TSBP1: variants seen among roughly 807,000 people sequenced by gnomAD.
TSBP1 encodes testis expressed basic protein 1.
A neutral mutation model predicts 68.8 loss-of-function variants in TSBP1; 56 were observed. The observed-to-expected ratio is 0.81, with a 90% CI of 0.66 to 1.02. TSBP1 has a LOEUF of 1.02. TSBP1 is among the 50% of genes least tolerant of loss of function. The pLI is 0.00. For missense variants in TSBP1, 502 were observed against 641.2 expected, an observed-to-expected ratio of 0.78 and a Z score of 2.34; for synonymous variants, 171 against 208.7, an observed-to-expected ratio of 0.82 and a Z score of 1.56.
At chr6:32,294,066 A>G (rs370051348) in intron 22 of TSBP1, 31 bp from the exon 26 acceptor site, 68 of 1,596,300 alleles carry the variant, frequency 4.3e-5, no homozygotes, top group Non-Finnish European at 5.6e-5. Context: ...CGTGATTTAG[A>G]TATCAAGTAT....
Position 32,314,790 on chromosome 6 carries a change from T to C in TSBP1, c.580+982A>G, listed in dbSNP as rs1766775633. On this transcript the variant is annotated intron_variant, in intron 19 of 22. Transcript: ENST00000612031. This position sits in a 1 kb window ranked among gnomAD's most constrained non-coding sequence, Gnocchi z 4.2. ...GAAATCTGTTAGAATAACATAGATGTCTTTCATGTTTAAAAATTGGAAAAT... is the reference window on the plus strand; with the variant it reads ...GAAATCTGTTAGAATAACATAGATGCCTTTCATGTTTAAAAATTGGAAAAT... Among the ~76,000 whole-genome samples, 1 of 152,218 alleles carries C rather than the reference T, an allele frequency of 6.6e-6. No homozygotes were observed. Among genetic ancestry groups the C allele is most frequent in the Non-Finnish European group, 1.5e-5 (1 of 68,036 alleles).
intron 8 of TSBP1, 102 bp downstream of exon 8, chr6:32,355,022 T>C (rs1772127596): frequency 2.3e-6 from 2 of 877,168 alleles, no homozygotes; most frequent in Non-Finnish European, 3.6e-6. Context: ...ATTATTTTTA[T>C]ACTTAATTTT....
chr6:32,358,566 C>G (rs1032116098), intron 6 of TSBP1, among the ~76,000 whole-genome samples: 1 of 151,882 alleles, frequency 6.6e-6, no homozygotes, highest in African/African-American at 2.4e-5. Context: ...CCTCCCCGCT[C>G]CCCTCACCCC....
rs569662753 is a variant in TSBP1 at position 32,321,553 on chromosome 6, C to T, written c.559+1564G>A. On this transcript the variant is annotated intron_variant, in intron 18 of 22. Transcript: ENST00000612031. This position sits in a 1 kb window ranked among gnomAD's most constrained non-coding sequence, Gnocchi z 4.3. Reference sequence around the variant, plus strand: ...TTGCAGCCTCATCTCTGGGTCGGAACCATTGTCTCTGTATTTTTATCTGTG... The same window carrying T: ...TTGCAGCCTCATCTCTGGGTCGGAATCATTGTCTCTGTATTTTTATCTGTG... 6.6e-6 allele frequency among the ~76,000 whole-genome samples: 1 copy of T among 152,286 alleles called. No individual in the cohort carries two copies. Among genetic ancestry groups the T allele is most frequent in the South Asian group, 2.1e-4 (1 of 4,830 alleles).
intron 18 of TSBP1, among the ~76,000 whole-genome samples, chr6:32,317,301 A>G (rs944747550): frequency 1.3e-5 from 2 of 152,346 alleles, no homozygotes; most frequent in Non-Finnish European, 2.9e-5. Flanking sequence ...ACATACGAAA[A>G]TTAACTCAAG....
At chr6:32,301,558 A>T (rs1765289393) in intron 20 of TSBP1, among the ~76,000 whole-genome samples, 1 of 151,796 alleles carries the variant, frequency 6.6e-6, no homozygotes, top group South Asian at 2.1e-4. Context: ...TCTGCAAAAA[A>T]AAAAAGAAAA....
intron 18 of TSBP1, among the ~76,000 whole-genome samples, chr6:32,319,322 C>T (rs1294277379): frequency 8.0e-6 from 1 of 125,358 alleles, no homozygotes. Context: ...ATCACTCTCT[C>T]CTTGCCACAC....
chr6:32,332,328 T>G (rs1769129698), intron 14 of TSBP1, among the ~76,000 whole-genome samples: 1 of 152,224 alleles, frequency 6.6e-6, no homozygotes, highest in South Asian at 2.1e-4. Context: ...AAAACTTTGT[T>G]ATTAGGTATT....
chr6:32,295,842 CTTTTTT>C (rs535371646), intron 22 of TSBP1, among the ~76,000 whole-genome samples: 1 of 125,316 alleles, frequency 8.0e-6, no homozygotes. Flanking sequence ...AGGAAAATTT[CTTTTTT>C]TTTTTTTTTT....
chr6:32,311,096 C>G (rs1216748749), intron 19 of TSBP1, among the ~76,000 whole-genome samples: 1 of 152,070 alleles, frequency 6.6e-6, no homozygotes, highest in African/African-American at 2.4e-5. Flanking sequence ...CGAGACCCCC[C>G]CTTTACTGGT....
At chr6:32,318,728 T>A (rs1035737569) in intron 18 of TSBP1, among the ~76,000 whole-genome samples, 5 of 152,162 alleles carry the variant, frequency 3.3e-5, no homozygotes, top group Admixed American at 6.5e-5. Flanking sequence ...GATTAGTGGT[T>A]GCCTGGGGCT....
chr6:32,340,372 T>A lies in TSBP1; in HGVS notation c.350-734A>T, dbSNP rs558358089. ...TGTTTTGGGGAGGGAAATAGTAGCTTTCCCCAGAAATGACAGGATCTACCC... is the reference window on the plus strand; with the variant it reads ...TGTTTTGGGGAGGGAAATAGTAGCTATCCCCAGAAATGACAGGATCTACCC... On this transcript the variant is annotated intron_variant, in intron 9 of 22. Coordinates refer to ENST00000612031, the Ensembl canonical transcript of TSBP1. This position sits in a 1 kb window ranked among gnomAD's most constrained non-coding sequence, Gnocchi z 4.8. Among the ~76,000 whole-genome samples the A allele has an allele frequency of 6.6e-6, 1 of 152,182 alleles. No individual in the cohort carries two copies. The highest frequency in any genetic ancestry group is 1.5e-5 in the Non-Finnish European group (1 of 68,036).
At chr6:32,328,734 G>A (rs777156393) in intron 16 of TSBP1, among the ~76,000 whole-genome samples, 3 of 151,496 alleles carry the variant, frequency 2.0e-5, no homozygotes, top group Non-Finnish European at 4.4e-5. Context: ...TGTATTTTTA[G>A]TAGAGACGGG....
In TSBP1 at chr6:32,315,393, C is replaced by T. The variant is rs146787031; in HGVS notation, c.580+379G>A. ...GCCTGGCCAAATGAGGAAACCCTGT[C>T]TCTACTAAAAATACAATAATTAGCT... On this transcript the variant is annotated intron_variant, in intron 19 of 22. Transcript: ENST00000612031. This position sits in a 1 kb window ranked among gnomAD's most constrained non-coding sequence, Gnocchi z 5.4. 0.039 allele frequency among the ~76,000 whole-genome samples: 5,994 copies of T among 152,084 alleles called. 339 individuals carry two copies. Among genetic ancestry groups the T allele is most frequent in the African/African-American group, 0.12 (5,139 of 41,446 alleles).
chr6:32,366,626 C>T lies in TSBP1; in HGVS notation c.167-324G>A, dbSNP rs1054067769. On this transcript the variant is annotated intron_variant, in intron 4 of 22. Coordinates refer to ENST00000612031, the Ensembl canonical transcript of TSBP1. The stretch of plus-strand genomic sequence containing the variant: ...AAAACACACAAAAAAATTGGCCGGG[C>T]ATGGTGGCAGGTGCCTGTGGTCACT... Among the ~76,000 whole-genome samples, 47 of 151,952 alleles carry T rather than the reference C, an allele frequency of 3.1e-4. 1 individual carries two copies. The highest frequency in any genetic ancestry group is 1.1e-3 in the African/African-American group (46 of 41,464).
chr6:32,325,210 C>T lies in TSBP1; in HGVS notation c.515-1596G>A. The T allele has an allele frequency of 1.5e-6, 1 of 650,672 alleles. No individual in the cohort carries two copies. The allele number at this position is 650,672 out of a possible 1,614,324, so 40.3% of individuals were successfully genotyped here. ...AAGCATCATTAAAGTCTCTCTTCTCCTGGCCGTCTTATCTAAGTCAGAGTC... is the reference window on the plus strand; with the variant it reads ...AAGCATCATTAAAGTCTCTCTTCTCTTGGCCGTCTTATCTAAGTCAGAGTC... On this transcript the variant is annotated intron_variant, in intron 16 of 22. Transcript: ENST00000612031. This position sits in a 1 kb window ranked among gnomAD's most constrained non-coding sequence, Gnocchi z 4.4.
chr6:32,369,364 A>C (rs6904952), intron 2 of TSBP1, among the ~76,000 whole-genome samples: 5,529 of 119,644 alleles, frequency 0.046, 319 homozygotes, highest in African/African-American at 0.14. Flanking sequence ...ACTTTTGCTA[A>C]ACTCTGTGAT....
At chr6:32,366,529 C>T (rs1773742876) in intron 4 of TSBP1, 6 of 507,008 alleles carry the variant, frequency 1.2e-5, no homozygotes, top group Admixed American at 6.4e-5. Context: ...TTTGGGAGGC[C>T]GAGGCGGGTG....
chr6:32,363,302 CA>C (rs1161178548), intron 6 of TSBP1, among the ~76,000 whole-genome samples: 1 of 151,998 alleles, frequency 6.6e-6, no homozygotes, highest in African/African-American at 2.4e-5. Context: ...TAGATAGTTG[CA>C]ACTTGTTTTT....
Sources: gnomAD v4.1 joint callset for allele counts (sites outside exome capture counted in the v4.1 genomes callset) on GRCh38, gnomAD v4.1.1 for gene constraint, Gnocchi (gnomAD v3.1) non-coding constraint, MANE v1.5 for transcripts, NCBI Gene and HGNC (gene_info 2026-07-23, HGNC 2026-07-21) for gene names.